ARHGAP18: variants seen among roughly 807,000 people sequenced by gnomAD.
ARHGAP18 encodes the protein rho GTPase-activating protein 18.
A neutral mutation model predicts 86.2 loss-of-function variants in ARHGAP18; 67 were observed. The observed-to-expected ratio is 0.78, with a 90% CI of 0.64 to 0.95. The LOEUF (loss-of-function observed/expected upper bound fraction) is 0.95, where lower values mean the gene tolerates loss of function less well. ARHGAP18 is among the 40% of genes least tolerant of loss of function. The pLI, the probability that ARHGAP18 is intolerant of heterozygous loss-of-function variation, is 0.00. For missense variants in ARHGAP18, 691 were observed against 780.4 expected, an observed-to-expected ratio of 0.89 and a Z score of 1.37; for synonymous variants, 283 against 280.4, an observed-to-expected ratio of 1.01 and a Z score of -0.09.
At chr6:129,649,365 C>T (rs1340032996) in intron 1 of ARHGAP18, among the ~76,000 whole-genome samples, 1 of 152,012 alleles carries the variant, frequency 6.6e-6, no homozygotes, top group Non-Finnish European at 1.5e-5. Flanking sequence ...ATCAGCCTGG[C>T]CAACAGGGCG....
rs546637209 is a variant in ARHGAP18 at position 129,693,664 on chromosome 6, T to C, written c.113+16360A>G. ...AGGCACACTGAAGAGAGAAAAACAA[T>C]AACTGCACTGACTGTACACCTCTCA... is the stretch of plus-strand genomic sequence containing the variant. On this transcript the variant is annotated intron_variant, in intron 1 of 14. Transcript: ENST00000368149. 1.6e-4 allele frequency among the ~76,000 whole-genome samples: 24 copies of C among 152,192 alleles called. No individual in the cohort carries two copies. The South Asian group carries it at 4.4e-3, about 28-fold the overall frequency.
chr6:129,625,855 TATTTATATA>T (rs1789436939), intron 5 of ARHGAP18, among the ~76,000 whole-genome samples: 1 of 62,724 alleles, frequency 1.6e-5, no homozygotes, highest in Non-Finnish European at 3.1e-5. Flanking sequence ...TTATATATTA[TATTTATATA>T]TTATATATTA....
At chr6:129,708,215 A>G (rs1774833620) in intron 1 of ARHGAP18, among the ~76,000 whole-genome samples, 1 of 152,126 alleles carries the variant, frequency 6.6e-6, no homozygotes, top group Non-Finnish European at 1.5e-5. Context: ...TTCTCCGGTC[A>G]ATATCAGGAA....
chr6:129,703,999 AT>A (rs1774763190), intron 1 of ARHGAP18, among the ~76,000 whole-genome samples: 2 of 6,600 alleles, frequency 3.0e-4, no homozygotes, highest in Admixed American at 3.9e-3. Flanking sequence ...TGATCAGGTA[AT>A]AATACACTAA....
chr6:129,707,497 C>T (rs1356777215), intron 1 of ARHGAP18, among the ~76,000 whole-genome samples: 1 of 151,972 alleles, frequency 6.6e-6, no homozygotes, highest in African/African-American at 2.4e-5. Context: ...GAGACAGGGT[C>T]TCACTCCCTC....
chr6:129,694,248 T>G (rs1387610466), intron 1 of ARHGAP18, among the ~76,000 whole-genome samples: 4 of 152,216 alleles, frequency 2.6e-5, no homozygotes, highest in Non-Finnish European at 5.9e-5. Flanking sequence ...AAATAATTTT[T>G]CTGAATGGCA....
At position 129,577,698 on chromosome 6, in the gene ARHGAP18, T is replaced by G. The variant is rs192057503; in HGVS notation, c.*815A>C. Reference sequence around the variant, plus strand: ...ACAACACGTAAAGCCAGCTATGACTTTTAAAATTCCATTTAGAAGAGTACA... The same window carrying G: ...ACAACACGTAAAGCCAGCTATGACTGTTAAAATTCCATTTAGAAGAGTACA... On this transcript the variant is annotated 3_prime_UTR_variant, in exon 15 of 15. Coordinates refer to ENST00000368149, the MANE Select transcript of ARHGAP18 (RefSeq NM_033515.3). The G allele has an allele frequency of 1.2e-4, 19 of 152,322 alleles. No individual in the cohort carries two copies. The highest frequency in any genetic ancestry group is 3.8e-4 in the African/African-American group (16 of 41,564). The allele number at this position is 152,322 out of a possible 1,614,324, so 9.4% of individuals were successfully genotyped here. A position where few individuals can be genotyped will look rare whatever the true frequency, so the allele number is the denominator to read the frequency against.
chr6:129,593,276 G>A (rs1172176500), intron 12 of ARHGAP18, among the ~76,000 whole-genome samples: 3 of 152,088 alleles, frequency 2.0e-5, no homozygotes, highest in Admixed American at 6.5e-5. Context: ...CCTGTGTAAC[G>A]TAGCAAGACC....
At chr6:129,645,179 G>A (rs150579628) in intron 1 of ARHGAP18, among the ~76,000 whole-genome samples, 1 of 152,204 alleles carries the variant, frequency 6.6e-6, no homozygotes, top group Non-Finnish European at 1.5e-5. Flanking sequence ...CATTCCTTCA[G>A]TTTACATCAA....
At chr6:129,587,592 G>C (rs1209616248) in intron 12 of ARHGAP18, among the ~76,000 whole-genome samples, 2 of 152,116 alleles carry the variant, frequency 1.3e-5, no homozygotes, top group African/African-American at 2.4e-5. Context: ...CTCTTCACAG[G>C]ACAGCAGGAG....
chr6:129,618,876 G>A (rs181690256), intron 5 of ARHGAP18, 24 bp from the exon 6 acceptor site: 1 of 1,601,352 alleles, frequency 6.2e-7, no homozygotes, highest in Non-Finnish European at 8.5e-7. Context: ...CATTAATATA[G>A]TAAAAGCTTA....
rs1360203858 is a variant in ARHGAP18, at chr6:129,625,293, A to C, written c.786+4060T>G. ...TATATATTTATATGTAATATATATGATATATGATATATATTTATATGTAAT... is the reference window on the plus strand; with the variant it reads ...TATATATTTATATGTAATATATATGCTATATGATATATATTTATATGTAAT... On this transcript the variant is annotated intron_variant, in intron 5 of 14. Transcript: ENST00000368149. 4.3e-4 allele frequency among the ~76,000 whole-genome samples: 36 copies of C among 83,324 alleles called. 5 individuals carry two copies. Among genetic ancestry groups the C allele is most frequent in the African/African-American group, 1.5e-3 (32 of 20,728 alleles). The allele number at this position is 83,324 out of a possible 152,430, so 54.7% of individuals were successfully genotyped here.
At chr6:129,620,124 T>C (rs1257136423) in intron 5 of ARHGAP18, among the ~76,000 whole-genome samples, 1 of 152,160 alleles carries the variant, frequency 6.6e-6, no homozygotes, top group African/African-American at 2.4e-5. Flanking sequence ...ATTTCAGATT[T>C]TGAAATATTT....
intron 1 of ARHGAP18, among the ~76,000 whole-genome samples, chr6:129,709,332 G>A (rs1774859327): frequency 6.6e-6 from 1 of 152,102 alleles, no homozygotes; most frequent in Non-Finnish European, 1.5e-5. Flanking sequence ...CACAGATAGG[G>A]AGAAAGGTAC....
chr6:129,702,699 A>T (rs1431158264), intron 1 of ARHGAP18, among the ~76,000 whole-genome samples: 1 of 152,146 alleles, frequency 6.6e-6, no homozygotes, highest in Non-Finnish European at 1.5e-5. Flanking sequence ...GACAGAACAG[A>T]ATCAAGAAGA....
Position 129,613,825 on chromosome 6 carries a change from C to T in ARHGAP18, c.1045-2215G>A, listed in dbSNP as rs181124969. On this transcript the variant is annotated intron_variant, in intron 7 of 14. Transcript: ENST00000368149. ...GAGATGAAAAATAACTATATTGACT[C>T]ATACATTTTAATGATGCTGTTACTA... Among the ~76,000 whole-genome samples, 16 of 150,204 alleles carry T rather than the reference C, an allele frequency of 1.1e-4. No homozygotes were observed. The East Asian group carries it at 2.9e-3, about 27-fold the overall frequency.
intron 1 of ARHGAP18, among the ~76,000 whole-genome samples, chr6:129,696,862 C>T (rs1438282730): frequency 6.6e-6 from 1 of 152,190 alleles, no homozygotes; most frequent in Non-Finnish European, 1.5e-5. Flanking sequence ...ACTAGAATGA[C>T]ATCTGGGTAG....
chr6:129,684,636 G>A (rs182201448), intron 1 of ARHGAP18, among the ~76,000 whole-genome samples: 26 of 152,250 alleles, frequency 1.7e-4, no homozygotes, highest in Non-Finnish European at 2.9e-4. Context: ...TGGAGCCTGC[G>A]GCACACAGAG....
intron 10 of ARHGAP18, among the ~76,000 whole-genome samples, chr6:129,602,538 A>G (rs1788768473): frequency 6.6e-6 from 1 of 152,200 alleles, no homozygotes; most frequent in Non-Finnish European, 1.5e-5. Context: ...CTTTTGAATC[A>G]AGTATAACTG....
Sources: allele counts gnomAD v4.1 joint callset (sites outside exome capture counted in the v4.1 genomes callset), GRCh38; gene constraint gnomAD v4.1.1; transcripts MANE v1.5; gene names NCBI Gene and HGNC (gene_info 2026-07-23, HGNC 2026-07-21).